Variants in WDR25 observed in about 807,000 individuals in gnomAD.
WDR25 encodes WD repeat-containing protein 25.
In WDR25, 35 loss-of-function variants were observed where a neutral mutation model predicts 47.7. The ratio of observed to expected loss-of-function variants is 0.73; its 90% CI spans 0.56 to 0.97. The LOEUF is 0.97. Among genes scored for constraint, WDR25 ranks in the 50% least tolerant of loss-of-function variants. The pLI, the probability that WDR25 is intolerant of heterozygous loss-of-function variation, is 0.00. For synonymous variants in WDR25, 248 were observed against 278.9 expected, an observed-to-expected ratio of 0.89 and a Z score of 1.10; for missense variants, 634 against 704.7, an observed-to-expected ratio of 0.90 and a Z score of 1.14.
intron 4 of WDR25, among the ~76,000 whole-genome samples, chr14:100,503,404 A>G (rs1901006978): frequency 6.6e-6 from 1 of 152,152 alleles, no homozygotes; most frequent in Non-Finnish European, 1.5e-5. Context: ...TAATGAATTT[A>G]GAGAGAGGGG....
chr14:100,520,267 A>G (rs887914716), intron 4 of WDR25, among the ~76,000 whole-genome samples: 6 of 151,540 alleles, frequency 4.0e-5, no homozygotes, highest in Admixed American at 1.3e-4. Context: ...GTTTATACTG[A>G]TTTTTCCAAT....
At chr14:100,515,595 A>G (rs1901463161) in intron 4 of WDR25, among the ~76,000 whole-genome samples, 1 of 152,084 alleles carries the variant, frequency 6.6e-6, no homozygotes, top group Admixed American at 6.5e-5. Flanking sequence ...CATACAGTAT[A>G]TAGTCATAAC....
rs557686429 is a variant in WDR25 at position 100,385,272 on chromosome 14, C to T, written c.822+3526C>T. On this transcript the variant is annotated intron_variant, in intron 2 of 6. Coordinates refer to ENST00000402312, the MANE Select transcript of WDR25 (RefSeq NM_001161476.3). Reference sequence around the variant, plus strand: ...AAAACAAATTTTTTGGATTTTATCGCAAGCCTTTGGGAAGGGATTGTCTTT... The same window carrying T: ...AAAACAAATTTTTTGGATTTTATCGTAAGCCTTTGGGAAGGGATTGTCTTT... 2.0e-5 allele frequency among the ~76,000 whole-genome samples: 3 copies of T among 152,308 alleles called. No homozygotes were observed. In the East Asian group the frequency reaches 5.8e-4, roughly 29 times the overall value.
At chr14:100,507,484 T>G (rs1426911762) in intron 4 of WDR25, among the ~76,000 whole-genome samples, 1 of 152,130 alleles carries the variant, frequency 6.6e-6, no homozygotes, top group Non-Finnish European at 1.5e-5. Flanking sequence ...ATCTATAGAG[T>G]GCTTTGGGCA....
chr14:100,483,877 C>T lies in WDR25; in HGVS notation c.971-117C>T, dbSNP rs886451268. On this transcript the variant is annotated intron_variant, in intron 3 of 6. Transcript: ENST00000402312. ...CCAAAAAGTGTCCATTGGGCTACAT[C>T]GGGCCCAGGGGAGCTGTGTTTGCTA... 14 of 1,275,648 alleles carry T rather than the reference C, an allele frequency of 1.1e-5. No individual in the cohort carries two copies. The East Asian group carries it at 1.5e-4, about 14-fold the overall frequency. The allele number at this position is 1,275,648 out of a possible 1,614,324, so 79.0% of individuals were successfully genotyped here.
At chr14:100,386,822 G>A (rs990196525) in intron 2 of WDR25, among the ~76,000 whole-genome samples, 2 of 152,128 alleles carry the variant, frequency 1.3e-5, no homozygotes, top group African/African-American at 4.8e-5. Flanking sequence ...GAACCCAGGA[G>A]GCGGAGCTTG....
chr14:100,460,681 TAGAAG>T (rs1203291370), intron 2 of WDR25, among the ~76,000 whole-genome samples: 1 of 151,804 alleles, frequency 6.6e-6, no homozygotes. Flanking sequence ...AAACTAGAAA[TAGAAG>T]AGAACTCCTT....
At chr14:100,436,305 C>T (rs1898497839) in intron 2 of WDR25, among the ~76,000 whole-genome samples, 2 of 152,168 alleles carry the variant, frequency 1.3e-5, no homozygotes, top group Admixed American at 6.5e-5. Context: ...ACACCTGGGC[C>T]CGCCTTTTCA....
intron 2 of WDR25, among the ~76,000 whole-genome samples, chr14:100,412,854 C>T (rs1486314783): frequency 6.6e-6 from 1 of 152,172 alleles, no homozygotes; most frequent in Non-Finnish European, 1.5e-5. Context: ...GTTTTTGAGA[C>T]AGTCTTGCTC....
intron 2 of WDR25, among the ~76,000 whole-genome samples, chr14:100,465,064 T>C (rs539921639): frequency 5.9e-5 from 9 of 151,958 alleles, no homozygotes; most frequent in Non-Finnish European, 1.0e-4. Flanking sequence ...CCTCTAGCCC[T>C]GCCCCTTTCC....
At chr14:100,390,391 C>CTG (rs55802109) in intron 2 of WDR25, among the ~76,000 whole-genome samples, 26,412 of 146,540 alleles carry the variant, frequency 0.18, 2,379 homozygotes, top group Non-Finnish European at 0.2. Flanking sequence ...TGACCAAAAG[C>CTG]TGTGTGTGTG....
intron 4 of WDR25, among the ~76,000 whole-genome samples, chr14:100,484,501 C>T (rs757115588): frequency 7.2e-5 from 11 of 151,784 alleles, no homozygotes; most frequent in African/African-American, 1.9e-4. Context: ...TGTGTGTGCG[C>T]ACTTGTTTGC....
At chr14:100,455,551 A>T (rs1899174589) in intron 2 of WDR25, 1 of 152,288 alleles carries the variant, frequency 6.6e-6, no homozygotes, top group East Asian at 1.9e-4. Flanking sequence ...GAAAAAAAAA[A>T]ATCCCAAACA....
chr14:100,421,292 G>A (rs1778397040), intron 2 of WDR25, among the ~76,000 whole-genome samples: 1 of 152,114 alleles, frequency 6.6e-6, no homozygotes, highest in Non-Finnish European at 1.5e-5. Context: ...CCAGAGAAGG[G>A]GACAGAATCT....
At chr14:100,434,759 C>T (rs1188542609) in intron 2 of WDR25, among the ~76,000 whole-genome samples, 3 of 152,246 alleles carry the variant, frequency 2.0e-5, no homozygotes, top group African/African-American at 7.2e-5. Flanking sequence ...CTACCCAGCT[C>T]CCACCCTGCC....
intron 3 of WDR25, among the ~76,000 whole-genome samples, chr14:100,471,308 C>T (rs956739403): frequency 4.6e-5 from 7 of 152,250 alleles, no homozygotes; most frequent in South Asian, 2.1e-4. Flanking sequence ...TTTGTCCTTG[C>T]CAGGTCCTCC....
chr14:100,526,745 A>C (rs781575843), intron 5 of WDR25, among the ~76,000 whole-genome samples: 32 of 736 alleles, frequency 0.043, no homozygotes, highest in East Asian at 0.15. Context: ...TAGCCACCAC[A>C]ACCACTGTTG....
intron 3 of WDR25, among the ~76,000 whole-genome samples, chr14:100,472,811 A>T (rs1384658911): frequency 6.6e-6 from 1 of 152,168 alleles, no homozygotes; most frequent in East Asian, 1.9e-4. Context: ...TCGAGTGGGT[A>T]TACAGACCCC....
chr14:100,517,847 CAAACAAACA>C (rs889633454), intron 4 of WDR25, among the ~76,000 whole-genome samples: 76 of 152,210 alleles, frequency 5.0e-4, no homozygotes, highest in African/African-American at 1.6e-3. Context: ...CCGTCTCAAA[CAAACAAACA>C]AAACAAACAA....
Sources: allele counts gnomAD v4.1 joint callset (sites outside exome capture counted in the v4.1 genomes callset), GRCh38; gene constraint gnomAD v4.1.1; transcripts MANE v1.5; gene names NCBI Gene and HGNC (gene_info 2026-07-23, HGNC 2026-07-21).